TENM3: variants seen among roughly 807,000 people sequenced by gnomAD.
TENM3 encodes teneurin transmembrane protein 3.
In TENM3, 63 loss-of-function variants were observed where a neutral mutation model predicts 255.1. That is an observed-to-expected ratio of 0.25 (90% CI 0.20 to 0.30). TENM3 has a LOEUF of 0.30. Among genes scored for constraint, TENM3 ranks in the 10% least tolerant of loss-of-function variants. TENM3 has a pLI of 1.00. For missense variants in TENM3, 2,929 were observed against 3,461.1 expected (o/e 0.85, Z 3.86); for synonymous variants, 1,306 against 1,322.3 (o/e 0.99, Z 0.27).
intron 1 of TENM3, among the ~76,000 whole-genome samples, chr4:182,212,592 A>G (rs1719793406): frequency 6.6e-6 from 1 of 152,108 alleles, no homozygotes; most frequent in Admixed American, 6.5e-5. Flanking sequence ...CTTCCTTTGA[A>G]GCTGAAATAG....
Position 182,755,212 on chromosome 4 carries a change from C to A in TENM3, c.4845C>A (p.Gly1615=). 1 of 1,610,430 alleles carries A rather than the reference C, an allele frequency of 6.2e-7. No homozygotes were observed. The highest frequency in any genetic ancestry group is 8.5e-7 in the Non-Finnish European group (1 of 1,179,692). ...LVLFTYHGNS[G]LLATKSDETG... ...TGTTTACTTACCATGGCAATAGTGG[C>A]CTTTTAGCCACTAAAAGTGATGAAA... Residue 1615 remains glycine (G), a synonymous_variant, in exon 22 of 28, where the codon GGC becomes GGA. Coordinates refer to ENST00000511685, the MANE Select transcript of TENM3 (RefSeq NM_001080477.4).
At chr4:182,247,227 T>G (rs1757712058) in intron 1 of TENM3, among the ~76,000 whole-genome samples, 1 of 152,122 alleles carries the variant, frequency 6.6e-6, no homozygotes, top group African/African-American at 2.4e-5. Context: ...AATTGACATA[T>G]AGAGGTGGAT....
At chr4:181,787,014 T>TTTGTAAA in the TENM3 span, among the ~76,000 whole-genome samples, 1 of 152,238 alleles carries the variant, frequency 6.6e-6, no homozygotes, top group Non-Finnish European at 1.5e-5. Flanking sequence ...TGTGGCACTC[T>TTTGTAAA]CTCATGTCCC....
chr4:181,742,403 C>T, the TENM3 span, among the ~76,000 whole-genome samples: 1 of 152,026 alleles, frequency 6.6e-6, no homozygotes, highest in Admixed American at 6.6e-5. Context: ...ATCATTTATT[C>T]ATTAACTCAA....
chr4:182,032,921 A>G, the TENM3 span, among the ~76,000 whole-genome samples: 4 of 150,372 alleles, frequency 2.7e-5, no homozygotes, highest in Non-Finnish European at 4.4e-5. Flanking sequence ...ATTGTGTTTG[A>G]GTCTTCACTC....
At chr4:182,138,147 C>T in the TENM3 span, among the ~76,000 whole-genome samples, 1 of 152,270 alleles carries the variant, frequency 6.6e-6, no homozygotes, top group African/African-American at 2.4e-5. Context: ...TTAAACATTT[C>T]CATTCTACTG....
chr4:181,667,228 A>G, the TENM3 span, among the ~76,000 whole-genome samples: 3 of 152,118 alleles, frequency 2.0e-5, no homozygotes, highest in East Asian at 5.8e-4. Flanking sequence ...GTATCCGTCC[A>G]TTAATTCCTA....
At chr4:182,771,427 A>G (rs4577620) in intron 22 of TENM3, among the ~76,000 whole-genome samples, 102,359 of 150,802 alleles carry the variant, frequency 0.68, 34,933 homozygotes, top group East Asian at 0.82. Context: ...GTTATGGTCC[A>G]GTCAAGAGAT....
intron 1 of TENM3, among the ~76,000 whole-genome samples, chr4:182,270,313 A>T (rs1301360880): frequency 1.3e-5 from 2 of 152,186 alleles, no homozygotes; most frequent in Non-Finnish European, 2.9e-5. Context: ...TTCATTTAAG[A>T]ATATGCCAAA....
At chr4:182,136,008 A>G in the TENM3 span, among the ~76,000 whole-genome samples, 106 of 152,324 alleles carry the variant, frequency 7.0e-4, 2 homozygotes, top group East Asian at 0.017. Flanking sequence ...TAATCACATT[A>G]AATTTCAGAT....
intron 1 of TENM3, among the ~76,000 whole-genome samples, chr4:182,188,631 T>C (rs1753318060): frequency 6.6e-6 from 1 of 152,228 alleles, no homozygotes; most frequent in South Asian, 2.1e-4. Flanking sequence ...TTTTGTATAT[T>C]ATTAAATGAG....
At chr4:182,025,800 C>T in the TENM3 span, among the ~76,000 whole-genome samples, 5,586 of 152,064 alleles carry the variant, frequency 0.037, 154 homozygotes, top group Middle Eastern at 0.068. Context: ...TTTTCATAGG[C>T]CTGTTTGCCA....
At chr4:181,691,451 A>C in the TENM3 span, among the ~76,000 whole-genome samples, 45,317 of 151,958 alleles carry the variant, frequency 0.3, 7,461 homozygotes, top group Admixed American at 0.49. Context: ...TAGAGGATGT[A>C]GAAAGTGAAT....
At chr4:182,083,486 T>G in the TENM3 span, among the ~76,000 whole-genome samples, 1 of 152,180 alleles carries the variant, frequency 6.6e-6, no homozygotes, top group South Asian at 2.1e-4. Context: ...AATTTTTTAT[T>G]TTTTTTCAGT....
the TENM3 span, among the ~76,000 whole-genome samples, chr4:181,809,296 G>A: frequency 6.6e-6 from 1 of 152,232 alleles, no homozygotes; most frequent in East Asian, 1.9e-4. Flanking sequence ...GCAGAGTGGA[G>A]TGAAGAACAT....
At chr4:182,230,855 T>TATCC (rs1756525453) in intron 1 of TENM3, among the ~76,000 whole-genome samples, 1 of 128,566 alleles carries the variant, frequency 7.8e-6, no homozygotes, top group Non-Finnish European at 1.6e-5. Flanking sequence ...TATATATATA[T>TATCC]ATCCCCCTTC....
chr4:181,720,018 T>C, the TENM3 span, among the ~76,000 whole-genome samples: 2 of 152,226 alleles, frequency 1.3e-5, no homozygotes, highest in East Asian at 1.9e-4. Flanking sequence ...AAGACTTCAA[T>C]ACCTTAATGT....
chr4:182,392,314 G>T (rs983543445), intron 3 of TENM3, among the ~76,000 whole-genome samples: 1 of 152,084 alleles, frequency 6.6e-6, no homozygotes. Flanking sequence ...CTGTTGAATC[G>T]CTTTAACTGT....
chr4:181,898,044 A>G, the TENM3 span, among the ~76,000 whole-genome samples: 1 of 152,192 alleles, frequency 6.6e-6, no homozygotes, highest in Non-Finnish European at 1.5e-5. Flanking sequence ...ACTGCAGTCA[A>G]TGACGTAGGC....
Sources: allele counts gnomAD v4.1 joint callset (sites outside exome capture counted in the v4.1 genomes callset), GRCh38; gene constraint gnomAD v4.1.1; transcripts MANE v1.5; gene names NCBI Gene and HGNC (gene_info 2026-07-23, HGNC 2026-07-21).